The following FBXL2 variants were observed in gnomAD, a reference collection of about 807,000 sequenced individuals.
The protein encoded by FBXL2 is F-box/LRR-repeat protein 2.
Under a neutral mutation model 69.2 loss-of-function variants are expected in FBXL2, and 38 were observed. The observed-to-expected ratio is 0.55, with a 90% CI of 0.42 to 0.72. The LOEUF is 0.72. FBXL2 is among the 30% of genes least tolerant of loss of function. The pLI is 0.00. For synonymous variants in FBXL2, 192 were observed against 201.3 expected (o/e 0.95, Z 0.39); for missense variants, 354 against 520.3 (o/e 0.68, Z 3.11).
intron 2 of FBXL2, among the ~76,000 whole-genome samples, chr3:33,302,471 T>C (rs966051043): frequency 3.9e-5 from 6 of 152,190 alleles, no homozygotes; most frequent in Non-Finnish European, 8.8e-5. Context: ...TAAATTATAA[T>C]AGTAATTTGA....
At chr3:33,349,239 C>T (rs1163339075) in intron 2 of FBXL2, among the ~76,000 whole-genome samples, 1 of 152,080 alleles carries the variant, frequency 6.6e-6, no homozygotes, top group East Asian at 1.9e-4. Flanking sequence ...AGCTGTGAGT[C>T]TGTTCTGTGT....
rs189943056 is a variant in FBXL2, at chr3:33,385,429, T to G, written c.1165-72T>G. 11 of 1,327,800 alleles carry G rather than the reference T, an allele frequency of 8.3e-6. No individual in the cohort carries two copies. In the Admixed American group the frequency reaches 1.8e-4, roughly 22 times the overall value. The allele number at this position is 1,327,800 out of a possible 1,614,324, so 82.3% of individuals were successfully genotyped here. Reference sequence around the variant, plus strand: ...GATTTTTAATAGAGGACTATAGGTTTTTCTAGAATTATGACTATAATCCTA... The same window carrying G: ...GATTTTTAATAGAGGACTATAGGTTGTTCTAGAATTATGACTATAATCCTA... On this transcript the variant is annotated intron_variant, in intron 14 of 14. Transcript: ENST00000484457.
chr3:33,417,907 T>C, the FBXL2 span, among the ~76,000 whole-genome samples: 1 of 152,156 alleles, frequency 6.6e-6, no homozygotes, highest in African/African-American at 2.4e-5. Context: ...AAAATACAAC[T>C]ACATCACTCC....
chr3:33,408,791 G>A, the FBXL2 span: 1 of 1,613,394 alleles, frequency 6.2e-7, no homozygotes, highest in Non-Finnish European at 8.5e-7. Flanking sequence ...ATAGGCTCAA[G>A]CCTCATCTGG....
At chr3:33,317,285 G>A (rs2037790749) in intron 2 of FBXL2, among the ~76,000 whole-genome samples, 1 of 152,110 alleles carries the variant, frequency 6.6e-6, no homozygotes, top group Non-Finnish European at 1.5e-5. Context: ...CCGTGTTGGT[G>A]ATTATTCTTT....
intron 2 of FBXL2, among the ~76,000 whole-genome samples, chr3:33,311,619 A>C (rs1279580926): frequency 4.0e-5 from 6 of 151,222 alleles, no homozygotes; most frequent in Non-Finnish European, 5.9e-5. Flanking sequence ...TAGCTACGGA[A>C]TTTGTTTGGC....
chr3:33,351,042 G>A (rs2040794888), intron 2 of FBXL2, among the ~76,000 whole-genome samples: 1 of 152,004 alleles, frequency 6.6e-6, no homozygotes, highest in African/African-American at 2.4e-5. Context: ...GAGGCAGGTG[G>A]ATCACCTGAG....
At chr3:33,280,444 C>T (rs2125662916) in intron 1 of FBXL2, among the ~76,000 whole-genome samples, 1 of 152,250 alleles carries the variant, frequency 6.6e-6, no homozygotes, top group African/African-American at 2.4e-5. Context: ...CTCAGTGGCT[C>T]ACGCCTGTAA....
downstream of FBXL2, chr3:33,392,306 T>C (rs1017387769): frequency 2.7e-6 from 1 of 376,476 alleles, no homozygotes; most frequent in Non-Finnish European, 4.7e-6. Context: ...AGAAGCACGG[T>C]GTCTGACACA....
downstream of FBXL2, among the ~76,000 whole-genome samples, chr3:33,407,547 T>TA (rs35830232): frequency 0.011 from 1,480 of 135,618 alleles, 11 homozygotes; most frequent in African/African-American, 0.031. Flanking sequence ...CGAATTTATT[T>TA]AAAAAAAAAA....
intron 2 of FBXL2, among the ~76,000 whole-genome samples, chr3:33,305,796 T>C (rs954996752): frequency 6.6e-6 from 1 of 151,884 alleles, no homozygotes; most frequent in African/African-American, 2.4e-5. Flanking sequence ...TTTCTAGGAG[T>C]GTGTCCACTT....
chr3:33,303,720 A>G (rs1476475377), intron 2 of FBXL2, among the ~76,000 whole-genome samples: 1 of 152,156 alleles, frequency 6.6e-6, no homozygotes, highest in African/African-American at 2.4e-5. Context: ...TGGATGAAAT[A>G]ATTAGATATA....
rs73049544 is a variant in FBXL2, at chr3:33,287,995, A to G, written c.4-9669A>G. Among the ~76,000 whole-genome samples, 956 of 152,118 alleles carry G rather than the reference A, an allele frequency of 6.3e-3. 9 individuals carry two copies. The highest frequency in any genetic ancestry group is 0.034 in the Middle Eastern group (10 of 294). On this transcript the variant is annotated intron_variant, in intron 1 of 14. Coordinates refer to ENST00000484457, the MANE Select transcript of FBXL2 (RefSeq NM_012157.5). ...AACCAAAGCTCAGATATGGACAGCT[A>G]TGGGTTGGCTACACTTTTATTGCTG...
downstream of FBXL2, chr3:33,392,340 G>A (rs1158054927): frequency 2.2e-6 from 1 of 458,142 alleles, no homozygotes; most frequent in East Asian, 3.6e-5. Flanking sequence ...GACGTTGGCT[G>A]AATGAATTGA....
chr3:33,413,754 G>A, the FBXL2 span, among the ~76,000 whole-genome samples: 2 of 152,044 alleles, frequency 1.3e-5, no homozygotes, highest in African/African-American at 4.8e-5. Context: ...CTCAGTGGCT[G>A]CTTTATTCCC....
In FBXL2 at chr3:33,379,544, G is replaced by A. The variant is rs181027461; in HGVS notation, c.951+803G>A. On this transcript the variant is annotated intron_variant, in intron 13 of 14. Transcript: ENST00000484457. ...AAATTTTTGTATTTTTAGTAGAGAC[G>A]GGGTTTCACCATGTTGGCCTGGCTG... Among the ~76,000 whole-genome samples the A allele has an allele frequency of 3.1e-4, 47 of 150,676 alleles. 1 individual carries two copies. Among genetic ancestry groups the A allele is most frequent in the African/African-American group, 1.0e-3 (42 of 40,940 alleles).
At chr3:33,404,026 G>A (rs1004231840), downstream of FBXL2, among the ~76,000 whole-genome samples, 1 of 148,338 alleles carries the variant, frequency 6.7e-6, no homozygotes, top group Non-Finnish European at 1.5e-5. Context: ...CGGTAGCCCA[G>A]GATAGCCCAG....
chr3:33,419,061 C>T, the FBXL2 span, among the ~76,000 whole-genome samples: 1 of 152,204 alleles, frequency 6.6e-6, no homozygotes, highest in East Asian at 1.9e-4. Flanking sequence ...CAGTATAAAT[C>T]CCTCAGTTTT....
chr3:33,371,189 G>T (rs1229964528), intron 5 of FBXL2, among the ~76,000 whole-genome samples: 1 of 146,986 alleles, frequency 6.8e-6, no homozygotes, highest in Non-Finnish European at 1.5e-5. Flanking sequence ...TTTTGAGATG[G>T]AGTCTCGCTC....
Sources: allele counts gnomAD v4.1 joint callset (sites outside exome capture counted in the v4.1 genomes callset), GRCh38; gene constraint gnomAD v4.1.1; transcripts MANE v1.5; gene names NCBI Gene and HGNC (gene_info 2026-07-23, HGNC 2026-07-21).